SLCO6A1: variants seen among roughly 807,000 people sequenced by gnomAD.
The protein encoded by SLCO6A1 is cancer/testis antigen 48.
SLCO6A1 carries 65 observed loss-of-function variants against 72.7 expected under a neutral mutation model. That is an observed-to-expected ratio of 0.89 (90% CI 0.73 to 1.10). The LOEUF is 1.10. Ranked by LOEUF, SLCO6A1 falls within the 50% of genes least tolerant of loss-of-function variation. The probability of loss-of-function intolerance (pLI) is 0.00; values close to 1 mark genes in which losing one functional copy is unlikely to be tolerated. For missense variants in SLCO6A1, 874 were observed against 872.6 expected (o/e 1.00, Z -0.02); for synonymous variants, 314 against 298.2 (o/e 1.05, Z -0.55).
intron 6 of SLCO6A1, among the ~76,000 whole-genome samples, chr5:102,449,436 G>T (rs1450780566): frequency 6.6e-6 from 1 of 151,776 alleles, no homozygotes; most frequent in African/African-American, 2.4e-5. Flanking sequence ...GCCCAGGCTG[G>T]AGTGCAGTGG....
In SLCO6A1 at chr5:102,498,637, CT is replaced by C; in HGVS notation, c.207del (p.Ala70ProfsTer25). The C allele has an allele frequency of 9.9e-6, 16 of 1,614,222 alleles. No homozygotes were observed. Among genetic ancestry groups the C allele is most frequent in the Non-Finnish European group, 1.4e-5 (16 of 1,180,042 alleles). On this transcript the variant is annotated frameshift_variant, in exon 1 of 14. Coordinates refer to ENST00000506729, the MANE Select transcript of SLCO6A1 (RefSeq NM_173488.5). LOFTEE classifies it high-confidence loss of function. ...IRFGGFRKRK[K>X]AKSSVSKKPG... is the part of the protein sequence containing the mutation. ...GGCTTCTTGGAAACTGAGGACTTGG[CT>C]TTTTTCCTTTTTCGGAAACCGCCGA...
At chr5:102,421,291 A>G (rs1265596149) in intron 7 of SLCO6A1, among the ~76,000 whole-genome samples, 1 of 152,036 alleles carries the variant, frequency 6.6e-6, no homozygotes, top group African/African-American at 2.4e-5. Flanking sequence ...TCCCCTGGAA[A>G]CGGAGCCGAA....
At chr5:102,435,270 TG>T (rs1749465804) in intron 7 of SLCO6A1, among the ~76,000 whole-genome samples, 1 of 152,222 alleles carries the variant, frequency 6.6e-6, no homozygotes, top group Admixed American at 6.5e-5. Context: ...AGCTTGTGGG[TG>T]GTACTCTGGA....
chr5:102,485,224 C>T (rs1414999877), intron 1 of SLCO6A1, among the ~76,000 whole-genome samples: 1 of 151,260 alleles, frequency 6.6e-6, no homozygotes, highest in African/African-American at 2.4e-5. Flanking sequence ...GCATTCCAGT[C>T]TGGGCAACAA....
intron 4 of SLCO6A1, among the ~76,000 whole-genome samples, chr5:102,463,917 AC>A (rs1341612022): frequency 1.3e-5 from 2 of 151,698 alleles, no homozygotes; most frequent in Non-Finnish European, 2.9e-5. Context: ...AAAAACAGGA[AC>A]AAAATAATGG....
intron 10 of SLCO6A1, among the ~76,000 whole-genome samples, chr5:102,391,567 C>A (rs1047699487): frequency 3.3e-5 from 5 of 151,782 alleles, no homozygotes; most frequent in Non-Finnish European, 7.4e-5. Flanking sequence ...GGTTCCCTCC[C>A]AGCAGTTACC....
intron 7 of SLCO6A1, among the ~76,000 whole-genome samples, chr5:102,437,779 A>G (rs1749623862): frequency 6.6e-6 from 1 of 152,066 alleles, no homozygotes; most frequent in African/African-American, 2.4e-5. Context: ...TTTTTTAATT[A>G]ATTAAATGTT....
Position 102,459,633 on chromosome 5 carries a change from A to G in SLCO6A1, c.1021+23T>C, listed in dbSNP as rs1189118014. 2.6e-6 allele frequency: 4 copies of G among 1,565,950 alleles called. No individual in the cohort carries two copies. In the East Asian group the frequency reaches 9.1e-5, roughly 36 times the overall value. Reference sequence around the variant, plus strand: ...GGAAGAAACTACTATCCTCCAATTTAATAAATTACATTTTATAGTCACCTG... The same window carrying G: ...GGAAGAAACTACTATCCTCCAATTTGATAAATTACATTTTATAGTCACCTG... On this transcript the variant is annotated intron_variant, in intron 5 of 13. Coordinates refer to ENST00000506729, the MANE Select transcript of SLCO6A1 (RefSeq NM_173488.5).
At chr5:102,392,090 A>G (rs1301716495) in intron 10 of SLCO6A1, among the ~76,000 whole-genome samples, 1 of 152,104 alleles carries the variant, frequency 6.6e-6, no homozygotes, top group African/African-American at 2.4e-5. Flanking sequence ...AATAAACTAT[A>G]TTATGACCAA....
chr5:102,396,844 G>C (rs571549065), intron 10 of SLCO6A1, among the ~76,000 whole-genome samples: 1 of 152,246 alleles, frequency 6.6e-6, no homozygotes, highest in South Asian at 2.1e-4. Flanking sequence ...GGGTCCTGAG[G>C]CAGTACAGGG....
intron 6 of SLCO6A1, among the ~76,000 whole-genome samples, chr5:102,450,691 G>A (rs1388436779): frequency 2.0e-5 from 3 of 152,202 alleles, no homozygotes; most frequent in African/African-American, 4.8e-5. Flanking sequence ...CAATGGCAGA[G>A]GGCCTTTCAC....
In SLCO6A1 at chr5:102,421,091, T is replaced by C. The variant is rs6859437; in HGVS notation, c.1277-1070A>G. Among the ~76,000 whole-genome samples, 312 of 152,252 alleles carry C rather than the reference T, an allele frequency of 2.0e-3. 3 individuals are homozygous for C. The highest frequency in any genetic ancestry group is 7.0e-3 in the African/African-American group (290 of 41,548). On this transcript the variant is annotated intron_variant, in intron 7 of 13. Coordinates refer to ENST00000506729, the MANE Select transcript of SLCO6A1 (RefSeq NM_173488.5). ...GAGGGACGGTGCTATCCGGCCCAGA[T>C]ACTATGCTTTTCCCATGGTTTTGGC...
rs753125945 is a variant in SLCO6A1 at position 102,373,442 on chromosome 5, T to C, written c.2070A>G (p.Ile690Met). 4 of 1,574,842 alleles carry C rather than the reference T, an allele frequency of 2.5e-6. No homozygotes were observed. In the African/African-American group the frequency reaches 4.1e-5, roughly 16 times the overall value. Residue 690 changes from isoleucine to methionine, a missense_variant, in exon 13 of 14, where the codon ATA becomes ATG. Transcript: ENST00000506729. ...TIIFTTIAFFIYKRRLNENTD... is the reference protein window; with the variant it reads ...TIIFTTIAFFMYKRRLNENTD... ...TGTTCTCATTTAGACGACGTTTGTA[T>C]ATGAAAAATGCAATAGTAGTGAAGA...
chr5:102,446,352 T>C (rs947753301), intron 6 of SLCO6A1, among the ~76,000 whole-genome samples: 3 of 152,176 alleles, frequency 2.0e-5, no homozygotes, highest in African/African-American at 7.2e-5. Context: ...GATTGCATTC[T>C]TGATTTGGCT....
chr5:102,388,173 G>A (rs989568217), intron 12 of SLCO6A1, among the ~76,000 whole-genome samples: 1 of 152,088 alleles, frequency 6.6e-6, no homozygotes, highest in African/African-American at 2.4e-5. Flanking sequence ...AAATTTTTTT[G>A]TATATGTACC....
intron 9 of SLCO6A1, among the ~76,000 whole-genome samples, chr5:102,411,280 T>G (rs147606546): frequency 2.0e-5 from 3 of 151,978 alleles, no homozygotes; most frequent in Admixed American, 1.3e-4. Context: ...GTTGTGTTTT[T>G]ATGAGATATG....
rs1038933599 is a variant in SLCO6A1 at position 102,498,428 on chromosome 5, C to T, written c.358+59G>A. On this transcript the variant is annotated intron_variant, in intron 1 of 13. Coordinates refer to ENST00000506729, the MANE Select transcript of SLCO6A1 (RefSeq NM_173488.5). ...GTCCTCCGCCATACTCCCTCTCCCG[C>T]CTCCGCCAGTGCGGCCCCAGCTGCC... 2.6e-6 allele frequency: 4 copies of T among 1,516,698 alleles called. No individual in the cohort carries two copies. The African/African-American group carries it at 5.5e-5, about 21-fold the overall frequency. 94.0% of individuals were successfully genotyped at this position (1,516,698 alleles called of 1,614,324 possible).
intron 1 of SLCO6A1, among the ~76,000 whole-genome samples, chr5:102,496,980 G>A (rs1188178325): frequency 6.6e-6 from 1 of 152,148 alleles, no homozygotes; most frequent in Non-Finnish European, 1.5e-5. Context: ...AAACTTCTTT[G>A]ATAATCTCAA....
intron 6 of SLCO6A1, among the ~76,000 whole-genome samples, chr5:102,455,123 A>G (rs1750638942): frequency 6.6e-6 from 1 of 150,800 alleles, no homozygotes; most frequent in Non-Finnish European, 1.5e-5. Flanking sequence ...GAGTTTTTTT[A>G]TAATAGAGAA....
Sources: allele counts gnomAD v4.1 joint callset (sites outside exome capture counted in the v4.1 genomes callset), GRCh38; gene constraint gnomAD v4.1.1; transcripts MANE v1.5; gene names NCBI Gene and HGNC (gene_info 2026-07-23, HGNC 2026-07-21).